The following ALDH5A1 variants were observed in gnomAD, a reference collection of about 807,000 sequenced individuals.
ALDH5A1 encodes the protein succinate-semialdehyde dehydrogenase, mitochondrial.
Under a neutral mutation model 54.7 loss-of-function variants are expected in ALDH5A1, and 33 were observed. The ratio of observed to expected loss-of-function variants is 0.60; its 90% CI spans 0.46 to 0.81. ALDH5A1 has a LOEUF of 0.81. ALDH5A1 is among the 30% of genes least tolerant of loss of function. The pLI, the probability that ALDH5A1 is intolerant of heterozygous loss-of-function variation, is 0.00. For synonymous variants in ALDH5A1, 294 were observed against 292.7 expected, an observed-to-expected ratio of 1.00 and a Z score of -0.05; for missense variants, 657 against 711.0, an observed-to-expected ratio of 0.92 and a Z score of 0.86.
At chr6:24,517,203 G>A (rs1257910235) in intron 5 of ALDH5A1, among the ~76,000 whole-genome samples, 2 of 152,006 alleles carry the variant, frequency 1.3e-5, no homozygotes, top group Non-Finnish European at 2.9e-5. Flanking sequence ...ATGGGGTTTC[G>A]CCATGTTGGC....
At position 24,533,941 on chromosome 6, in the gene ALDH5A1, T is replaced by G. The variant is rs561353192; in HGVS notation, c.*229T>G. 10 of 492,384 alleles carry G rather than the reference T, an allele frequency of 2.0e-5. No individual in the cohort carries two copies. In the East Asian group the frequency reaches 4.0e-4, roughly 20 times the overall value. 30.5% of individuals were successfully genotyped at this position (492,384 alleles called of 1,614,324 possible). On this transcript the variant is annotated 3_prime_UTR_variant, in exon 10 of 10. Coordinates refer to ENST00000357578, the MANE Select transcript of ALDH5A1 (RefSeq NM_001080.3). ...CTGCAGACTCCCAGAGAACCAGCAC[T>G]GGGTTTACAGAATGAGGCCCTGGCT...
intron 7 of ALDH5A1, among the ~76,000 whole-genome samples, chr6:24,524,300 G>A (rs554851533): frequency 1.3e-5 from 2 of 152,172 alleles, no homozygotes; most frequent in African/African-American, 2.4e-5. Flanking sequence ...TGGTTTTAAC[G>A]GAATATTTTA....
intron 7 of ALDH5A1, among the ~76,000 whole-genome samples, chr6:24,526,803 C>A (rs1055169127): frequency 3.7e-4 from 51 of 137,124 alleles, no homozygotes; most frequent in Non-Finnish European, 6.7e-4. Flanking sequence ...TCACTGCTTA[C>A]CAAGTAGGAT....
intron 8 of ALDH5A1, among the ~76,000 whole-genome samples, chr6:24,531,723 C>T (rs1759940311): frequency 6.6e-6 from 1 of 152,158 alleles, no homozygotes; most frequent in Admixed American, 6.6e-5. Context: ...GGCCCCAACC[C>T]CTTCTGAACG....
chr6:24,533,390 G>A, intron 9 of ALDH5A1, 117 bp from the exon 10 acceptor site: 2 of 1,047,364 alleles, frequency 1.9e-6, no homozygotes. Flanking sequence ...CTGGGAGCAG[G>A]GAAGACTCCA....
At chr6:24,504,210 C>T (rs1759274915) in intron 3 of ALDH5A1, among the ~76,000 whole-genome samples, 1 of 152,098 alleles carries the variant, frequency 6.6e-6, no homozygotes, top group Non-Finnish European at 1.5e-5. Context: ...TAATATCAAC[C>T]TCATTGGGTT....
At chr6:24,525,690 G>A (rs1239067652) in intron 7 of ALDH5A1, among the ~76,000 whole-genome samples, 1 of 151,962 alleles carries the variant, frequency 6.6e-6, no homozygotes, top group Non-Finnish European at 1.5e-5. Context: ...CCCAGCCTGA[G>A]CAACAAAACA....
intron 4 of ALDH5A1, among the ~76,000 whole-genome samples, chr6:24,512,901 G>A (rs1205084510): frequency 6.6e-6 from 1 of 152,014 alleles, no homozygotes; most frequent in Non-Finnish European, 1.5e-5. Flanking sequence ...TGTTGGCCAG[G>A]CTGGTCTGGA....
chr6:24,495,265 T>C lies in ALDH5A1; in HGVS notation c.269T>C (p.Val90Ala), dbSNP rs1272389025. Reference protein sequence around the residue: ...DPASGAALGMVADCGVREARA... With the variant: ...DPASGAALGMAADCGVREARA... ...GCCAGCGGCGCCGCTCTGGGCATGGTAGCCGACTGCGGGGTGCGAGAGGCC... is the reference window on the plus strand; with the variant it reads ...GCCAGCGGCGCCGCTCTGGGCATGGCAGCCGACTGCGGGGTGCGAGAGGCC... Residue 90 changes from valine to alanine, a missense_variant, in exon 1 of 10, where the codon GTA becomes GCA. This residue lies in a region of ALDH5A1 where 232 missense variants were observed against 194.6 expected (regional missense o/e 1.19). Transcript: ENST00000357578. The C allele has an allele frequency of 5.2e-6, 8 of 1,532,174 alleles. No homozygotes were observed. The highest frequency in any genetic ancestry group is 7.0e-6 in the Non-Finnish European group (8 of 1,146,052). The allele number at this position is 1,532,174 out of a possible 1,614,324, so 94.9% of individuals were successfully genotyped here.
At position 24,504,871 on chromosome 6, in the gene ALDH5A1, G is replaced by C. The variant is rs118203982; in HGVS notation, c.612G>C (p.Trp204Cys). Residue 204 changes from tryptophan to cysteine, a missense_variant and splice_region_variant, in exon 4 of 10, where the codon TGG (tryptophan) becomes TGC (cysteine). Physicochemically the swap from Trp to Cys is radical, Grantham distance 215. Transcript: ENST00000357578. Reference sequence around the variant, plus strand: ...TTCCTCTGCTCTTCTAACCCCAGTGGAATTTCCCCAGTGCCATGATCACCC... The same window carrying C: ...TTCCTCTGCTCTTCTAACCCCAGTGCAATTTCCCCAGTGCCATGATCACCC... Reference protein sequence around the residue: ...PIGVAAVITPWNFPSAMITRK... With the variant: ...PIGVAAVITPCNFPSAMITRK... The C allele has an allele frequency of 1.2e-6, 2 of 1,614,036 alleles. No individual in the cohort carries two copies. Among genetic ancestry groups the C allele is most frequent in the South Asian group, 2.2e-5 (2 of 91,074 alleles).
rs1285751403 is a variant in ALDH5A1 at position 24,509,410 on chromosome 6, G to A, written c.726+4425G>A. ...CTATCTTGTGGAATAGTGTCAATAG[G>A]ATTGATACCAATTCTTCTTTGAATG... On this transcript the variant is annotated intron_variant, in intron 4 of 9. Transcript: ENST00000357578. This position sits in a 1 kb window ranked among gnomAD's most constrained non-coding sequence, Gnocchi z 4.7. 6.6e-6 allele frequency among the ~76,000 whole-genome samples: 1 copy of A among 152,162 alleles called. No homozygotes were observed. Among genetic ancestry groups the A allele is most frequent in the African/African-American group, 2.4e-5 (1 of 41,430 alleles).
chr6:24,527,129 C>T (rs1334038509), intron 7 of ALDH5A1, among the ~76,000 whole-genome samples: 3 of 151,150 alleles, frequency 2.0e-5, no homozygotes, highest in Non-Finnish European at 4.4e-5. Flanking sequence ...TCAGCAACAC[C>T]GGAAGTGGAG....
chr6:24,521,308 G>A (rs1270735655), intron 6 of ALDH5A1, among the ~76,000 whole-genome samples: 1 of 152,238 alleles, frequency 6.6e-6, no homozygotes, highest in Non-Finnish European at 1.5e-5. Flanking sequence ...TAGAGATGAG[G>A]AAATGAAACT....
chr6:24,526,893 ATATATATCTACTATATATATATTC>A (rs1163582565), intron 7 of ALDH5A1, among the ~76,000 whole-genome samples: 28 of 100,456 alleles, frequency 2.8e-4, no homozygotes, highest in East Asian at 8.8e-4. Flanking sequence ...TATATTCTAT[ATATATATCTACTATATATATATTC>A]TATATATATC....
Position 24,536,637 on chromosome 6 carries a change from C to T in ALDH5A1, c.*2925C>T, listed in dbSNP as rs2127392146. The T allele has an allele frequency of 1.3e-5, 2 of 152,332 alleles. No individual in the cohort carries two copies. The highest frequency in any genetic ancestry group is 2.9e-5 in the Non-Finnish European group (2 of 68,032). 9.4% of individuals were successfully genotyped at this position (152,332 alleles called of 1,614,324 possible). ...TGGCATAGCTACCGTGAGTTCTCAG[C>T]AGGAACTTCCCAGCGATGATAATGT... On this transcript the variant is annotated 3_prime_UTR_variant, in exon 10 of 10. Coordinates refer to ENST00000357578, the MANE Select transcript of ALDH5A1 (RefSeq NM_001080.3).
intron 8 of ALDH5A1, 134 bp from the exon 9 acceptor site, chr6:24,531,985 A>G (rs1204924607): frequency 3.7e-6 from 3 of 803,162 alleles, no homozygotes; most frequent in African/African-American, 1.7e-5. Flanking sequence ...TTCTTCTGCA[A>G]TCTGCTCTTG....
At chr6:24,504,777 GA>G in intron 3 of ALDH5A1, 91 bp from the exon 4 acceptor site, 1 of 1,278,634 alleles carries the variant, frequency 7.8e-7, no homozygotes, top group Non-Finnish European at 1.1e-6. Context: ...GTTGTGCAAT[GA>G]AATTTGTTCA....
At chr6:24,497,384 C>A (rs1764734550) in intron 1 of ALDH5A1, among the ~76,000 whole-genome samples, 9 of 151,910 alleles carry the variant, frequency 5.9e-5, no homozygotes, top group Admixed American at 5.9e-4. Context: ...TTACAATCCT[C>A]TTGCTAGCTA....
rs1423114557 is a variant in ALDH5A1 at position 24,509,511 on chromosome 6, T to A, written c.726+4526T>A. Among the ~76,000 whole-genome samples the A allele has an allele frequency of 6.6e-6, 1 of 152,208 alleles. No homozygotes were observed. Among genetic ancestry groups the A allele is most frequent in the Non-Finnish European group, 1.5e-5 (1 of 68,016 alleles). On this transcript the variant is annotated intron_variant, in intron 4 of 9. Transcript: ENST00000357578. The surrounding 1 kb of genome is among the most constrained non-coding windows in gnomAD (Gnocchi z 4.7). Reference sequence around the variant, plus strand: ...GGTAATTATTTTACTACCATTTCAGTCTGTTCGGGATATCTCGTTCTTCCT... The same window carrying A: ...GGTAATTATTTTACTACCATTTCAGACTGTTCGGGATATCTCGTTCTTCCT...
Sources: allele counts gnomAD v4.1 joint callset (sites outside exome capture counted in the v4.1 genomes callset), GRCh38; gene constraint gnomAD v4.1.1; regional missense constraint gnomAD v4.1.1; non-coding constraint Gnocchi (gnomAD v3.1); transcripts MANE v1.5; gene names NCBI Gene and HGNC (gene_info 2026-07-23, HGNC 2026-07-21).